The following PIK3C2G variants were observed in gnomAD, a reference collection of about 807,000 sequenced individuals.
PIK3C2G encodes the protein phosphatidylinositol 3-kinase C2 domain-containing subunit gamma.
In PIK3C2G, 168 loss-of-function variants were observed where a neutral mutation model predicts 181.1. The ratio of observed to expected loss-of-function variants is 0.93; its 90% CI spans 0.82 to 1.05. PIK3C2G has a LOEUF of 1.05. Among genes scored for constraint, PIK3C2G ranks in the 50% least tolerant of loss-of-function variants. The probability of loss-of-function intolerance (pLI) is 0.00; values close to 1 mark genes in which losing one functional copy is unlikely to be tolerated. For synonymous variants in PIK3C2G, 573 were observed against 592.2 expected (o/e 0.97, Z 0.47); for missense variants, 1,869 against 1,732.8 (o/e 1.08, Z -1.40).
Position 18,327,764 on chromosome 12 carries a change from C to A in PIK3C2G, c.1272+2666C>A, listed in dbSNP as rs372963183. On this transcript the variant is annotated intron_variant, in intron 8 of 32. Coordinates refer to ENST00000538779, the MANE Select transcript of PIK3C2G (RefSeq NM_001288772.2). ...AATGGAAAAAAGAGAATCCTCCCCC[C>A]CAAGGTATCACTGAATGCTTACTTC... Among the ~76,000 whole-genome samples, 6 of 152,006 alleles carry A rather than the reference C, an allele frequency of 3.9e-5. No homozygotes were observed. In the South Asian group the frequency reaches 8.3e-4, roughly 21 times the overall value.
At chr12:18,662,427 A>G in the PIK3C2G span, among the ~76,000 whole-genome samples, 1 of 151,852 alleles carries the variant, frequency 6.6e-6, no homozygotes, top group Non-Finnish European at 1.5e-5. Context: ...GAGGAAATTT[A>G]TGACCCTAGA....
chr12:18,377,117 A>G (rs1942502759), intron 13 of PIK3C2G, among the ~76,000 whole-genome samples: 1 of 152,210 alleles, frequency 6.6e-6, no homozygotes, highest in Non-Finnish European at 1.5e-5. Flanking sequence ...TTATAACATC[A>G]GATCCTTTGG....
intron 31 of PIK3C2G, among the ~76,000 whole-genome samples, chr12:18,619,938 A>G (rs951081372): frequency 4.0e-4 from 61 of 151,954 alleles, no homozygotes; most frequent in African/African-American, 1.3e-3. Context: ...GTTAGCCAGG[A>G]TGTTCTCCAT....
At chr12:18,245,881 T>A (rs1043443844), upstream of PIK3C2G, among the ~76,000 whole-genome samples, 14 of 152,136 alleles carry the variant, frequency 9.2e-5, no homozygotes, top group Admixed American at 9.2e-4. Context: ...CTTAAATATT[T>A]TATGGACTAC....
intron 18 of PIK3C2G, among the ~76,000 whole-genome samples, chr12:18,434,368 C>A (rs1207640064): frequency 6.6e-6 from 1 of 152,044 alleles, no homozygotes; most frequent in Admixed American, 6.6e-5. Context: ...CCATTACATC[C>A]CCTAAATTTG....
chr12:18,650,331 C>CTCTCTATATATA (rs1555163997), downstream of PIK3C2G, among the ~76,000 whole-genome samples: 1 of 91,986 alleles, frequency 1.1e-5, no homozygotes, highest in African/African-American at 4.4e-5. Flanking sequence ...CTCTCTCTCT[C>CTCTCTATATATA]TATATATATA....
At chr12:18,558,656 C>T (rs965097900) in intron 26 of PIK3C2G, among the ~76,000 whole-genome samples, 2 of 152,080 alleles carry the variant, frequency 1.3e-5, no homozygotes, top group Non-Finnish European at 1.5e-5. Context: ...TTGCTTCTGC[C>T]TAAAATGCAT....
intron 18 of PIK3C2G, among the ~76,000 whole-genome samples, chr12:18,463,872 G>T (rs755569814): frequency 6.6e-6 from 1 of 152,104 alleles, no homozygotes; most frequent in African/African-American, 2.4e-5. Context: ...GTAATAGCCA[G>T]ATCTATGAAG....
At chr12:18,289,838 T>A (rs1378009406) in intron 3 of PIK3C2G, among the ~76,000 whole-genome samples, 1 of 152,152 alleles carries the variant, frequency 6.6e-6, no homozygotes, top group Non-Finnish European at 1.5e-5. Flanking sequence ...CTGCAGTTTC[T>A]GCAATTTAGG....
chr12:18,510,893 C>G (rs940066488), intron 24 of PIK3C2G, among the ~76,000 whole-genome samples: 1 of 152,090 alleles, frequency 6.6e-6, no homozygotes, highest in Non-Finnish European at 1.5e-5. Context: ...TAATACATTA[C>G]TATTGACTGT....
At chr12:18,606,140 A>G (rs568800722) in intron 30 of PIK3C2G, among the ~76,000 whole-genome samples, 17 of 152,208 alleles carry the variant, frequency 1.1e-4, no homozygotes, top group African/African-American at 3.6e-4. Context: ...GTTTTGATGG[A>G]CACTTTAGTT....
the PIK3C2G span, among the ~76,000 whole-genome samples, chr12:18,689,104 G>T: frequency 6.6e-6 from 1 of 152,160 alleles, no homozygotes; most frequent in Non-Finnish European, 1.5e-5. Flanking sequence ...TTAGCAATCA[G>T]CATGGAATGG....
chr12:18,430,127 G>T (rs531588566), intron 18 of PIK3C2G, among the ~76,000 whole-genome samples: 2 of 152,154 alleles, frequency 1.3e-5, no homozygotes, highest in Non-Finnish European at 2.9e-5. Flanking sequence ...CTCATGTCCT[G>T]TTCTAGAGAA....
rs141736909 is a variant in PIK3C2G at position 18,466,108 on chromosome 12, A to G, written c.2505-22341A>G. On this transcript the variant is annotated intron_variant, in intron 18 of 32. Transcript: ENST00000538779. ...GCATGTGTGTATATATTATACATAG[A>G]ACAAGAGATAGTTCTAAATTTATTT... 2.0e-5 allele frequency among the ~76,000 whole-genome samples: 3 copies of G among 151,822 alleles called. No individual in the cohort carries two copies. The East Asian group carries it at 5.8e-4, about 29-fold the overall frequency.
At chr12:18,679,132 G>A in the PIK3C2G span, among the ~76,000 whole-genome samples, 2 of 151,798 alleles carry the variant, frequency 1.3e-5, no homozygotes, top group Non-Finnish European at 2.9e-5. Context: ...TTTCCTTTTG[G>A]CAAGTGCCTG....
chr12:18,436,013 GAATT>G (rs1487410609), intron 18 of PIK3C2G, among the ~76,000 whole-genome samples: 1 of 149,746 alleles, frequency 6.7e-6, no homozygotes, highest in Non-Finnish European at 1.5e-5. Context: ...ATTATATGAA[GAATT>G]AATTATTTTA....
intron 1 of PIK3C2G, among the ~76,000 whole-genome samples, chr12:18,251,978 C>A (rs981882896): frequency 2.0e-5 from 3 of 152,028 alleles, no homozygotes; most frequent in Non-Finnish European, 4.4e-5. Flanking sequence ...GACACTTATT[C>A]TGTAAATACT....
At chr12:18,345,777 T>G (rs940539874) in intron 10 of PIK3C2G, among the ~76,000 whole-genome samples, 1 of 152,196 alleles carries the variant, frequency 6.6e-6, no homozygotes, top group Non-Finnish European at 1.5e-5. Flanking sequence ...GAAAGTACTG[T>G]TAAGACTGAA....
rs73342944 is a variant in PIK3C2G at position 18,474,367 on chromosome 12, A to C, written c.2505-14082A>C. Among the ~76,000 whole-genome samples the C allele has an allele frequency of 3.0e-3, 450 of 152,252 alleles. 2 individuals carry two copies. Among genetic ancestry groups the C allele is most frequent in the African/African-American group, 0.01 (423 of 41,560 alleles). On this transcript the variant is annotated intron_variant, in intron 18 of 32. Coordinates refer to ENST00000538779, the MANE Select transcript of PIK3C2G (RefSeq NM_001288772.2). The stretch of plus-strand genomic sequence containing the variant: ...TTTTTTAATTGACACAGGCATTGCC[A>C]GTCCAAGAAACAGAAACGGAACTGG...
Sources: gnomAD v4.1 joint callset for allele counts (sites outside exome capture counted in the v4.1 genomes callset) on GRCh38, gnomAD v4.1.1 for gene constraint, MANE v1.5 for transcripts, NCBI Gene and HGNC (gene_info 2026-07-23, HGNC 2026-07-21) for gene names.